ABLIM1: variants seen among roughly 807,000 people sequenced by gnomAD.
The protein encoded by ABLIM1 is actin-binding LIM protein 1.
ABLIM1 carries 40 observed loss-of-function variants against 107.0 expected under a neutral mutation model. That is an observed-to-expected ratio of 0.37 (90% confidence interval 0.29 to 0.49). The LOEUF (loss-of-function observed/expected upper bound fraction) is 0.49. Among genes scored for constraint, ABLIM1 ranks in the 20% least tolerant of loss-of-function variants. ABLIM1 has a pLI of 0.97. For missense variants in ABLIM1, 857 were observed against 1,008.5 expected, an observed-to-expected ratio of 0.85 and a Z score of 2.04; for synonymous variants, 357 against 357.3, an observed-to-expected ratio of 1.00 and a Z score of 0.01.
intron 1 of ABLIM1, among the ~76,000 whole-genome samples, chr10:114,614,706 T>C (rs755891533): frequency 6.6e-6 from 1 of 152,128 alleles, no homozygotes; most frequent in Non-Finnish European, 1.5e-5. Context: ...CTATGAGTAA[T>C]TGATCCCTCA....
At chr10:114,469,737 T>C (rs1293763659) in intron 10 of ABLIM1, among the ~76,000 whole-genome samples, 1 of 152,238 alleles carries the variant, frequency 6.6e-6, no homozygotes, top group Non-Finnish European at 1.5e-5. Flanking sequence ...CAACTACATA[T>C]TCCCAGTGAT....
At chr10:114,779,129 T>C in the ABLIM1 span, 1 of 152,220 alleles carries the variant, frequency 6.6e-6, no homozygotes, top group Non-Finnish European at 1.5e-5. Context: ...CATTCTTCTC[T>C]GACTAAAGTG....
chr10:114,666,653 T>C (rs1426056933), intron 1 of ABLIM1, among the ~76,000 whole-genome samples: 6 of 106,652 alleles, frequency 5.6e-5, no homozygotes, highest in Admixed American at 4.4e-4. Flanking sequence ...ACTTCATCTG[T>C]AAAACAGATA....
chr10:114,658,056 A>G lies in ABLIM1; in HGVS notation c.145T>C (p.Phe49Leu). Residue 49 changes from phenylalanine (F) to leucine (L), a missense_variant, in exon 1 of 23, where the codon TTC becomes CTC. Phe to Leu is a conservative substitution (Grantham distance 22). Around this residue, in one of 5 missense-constraint regions of ABLIM1, gnomAD observed 176 missense variants for 173.5 expected, o/e 1.01. Transcript: ENST00000533213. ...VEDRRVSGTS[F>L]TAHRRATITH... ...ATAGTGGCACGCCTATGAGCGGTGA[A>G]GGAGGTCCCAGAGACCCTCCGGTCC... 6.2e-7 allele frequency: 1 copy of G among 1,614,196 alleles called. No homozygotes were observed. The highest frequency in any genetic ancestry group is 8.5e-7 in the Non-Finnish European group (1 of 1,180,026).
chr10:114,791,136 G>A, the ABLIM1 span, among the ~76,000 whole-genome samples: 2 of 151,910 alleles, frequency 1.3e-5, no homozygotes, highest in East Asian at 1.9e-4. Context: ...GTACTGGAGC[G>A]ATCATAGCGA....
intron 6 of ABLIM1, among the ~76,000 whole-genome samples, chr10:114,514,498 A>T (rs2062486637): frequency 6.6e-6 from 1 of 151,952 alleles, no homozygotes; most frequent in African/African-American, 2.4e-5. Flanking sequence ...TCAGCCTCCC[A>T]AGTAGTTGGG....
At chr10:114,589,779 A>G (rs2074652720) in intron 2 of ABLIM1, among the ~76,000 whole-genome samples, 1 of 152,208 alleles carries the variant, frequency 6.6e-6, no homozygotes. Context: ...CTTTTTAAAA[A>G]TAAGGTTTAT....
chr10:114,519,437 A>G (rs1049684681), intron 6 of ABLIM1, among the ~76,000 whole-genome samples: 1 of 152,152 alleles, frequency 6.6e-6, no homozygotes, highest in African/African-American at 2.4e-5. Flanking sequence ...CGCCCAGCAC[A>G]TGTTGGGTGT....
chr10:114,737,447 C>T (rs977107156), intron 1 of ABLIM1, among the ~76,000 whole-genome samples: 9 of 152,208 alleles, frequency 5.9e-5, no homozygotes, highest in Non-Finnish European at 1.3e-4. Context: ...CCTGACTCCT[C>T]GGTTTCAACA....
intron 1 of ABLIM1, among the ~76,000 whole-genome samples, chr10:114,648,685 C>A (rs1411560063): frequency 6.6e-6 from 1 of 152,212 alleles, no homozygotes; most frequent in Admixed American, 6.5e-5. Context: ...TGGTGTACTA[C>A]ATTACATCTC....
intron 1 of ABLIM1, among the ~76,000 whole-genome samples, chr10:114,743,760 C>G (rs1023940821): frequency 6.6e-6 from 1 of 152,172 alleles, no homozygotes; most frequent in South Asian, 2.1e-4. Context: ...TCCATCACAG[C>G]TCTTCTGTTG....
chr10:114,689,363 G>GTT (rs1566241486), upstream of ABLIM1, among the ~76,000 whole-genome samples: 468 of 120,288 alleles, frequency 3.9e-3, 3 homozygotes, highest in African/African-American at 0.013. Context: ...TTTGTATATT[G>GTT]GTTTTTTTTT....
chr10:114,693,044 CT>C (rs887982301), intron 1 of ABLIM1, among the ~76,000 whole-genome samples: 9 of 152,224 alleles, frequency 5.9e-5, no homozygotes, highest in African/African-American at 2.2e-4. Flanking sequence ...CACTGGCTTT[CT>C]GAAACCCCAT....
chr10:114,759,691 A>C (rs2082703244), intron 1 of ABLIM1, among the ~76,000 whole-genome samples: 1 of 152,148 alleles, frequency 6.6e-6, no homozygotes, highest in Non-Finnish European at 1.5e-5. Flanking sequence ...ATAATCTACA[A>C]AGTAGCTAAT....
At chr10:114,675,803 C>T (rs1307225931) in intron 1 of ABLIM1, among the ~76,000 whole-genome samples, 1 of 152,180 alleles carries the variant, frequency 6.6e-6, no homozygotes, top group Non-Finnish European at 1.5e-5. Flanking sequence ...GAGTCGGTTC[C>T]TTCTGAGGGC....
intron 21 of ABLIM1, among the ~76,000 whole-genome samples, chr10:114,438,413 T>C (rs1034697688): frequency 6.6e-6 from 1 of 152,136 alleles, no homozygotes; most frequent in Non-Finnish European, 1.5e-5. Context: ...GCACATGTCG[T>C]CATGCCAAGC....
At position 114,629,360 on chromosome 10, in the gene ABLIM1, T is replaced by C. The variant is rs1367949410; in HGVS notation, c.245-27399A>G. On this transcript the variant is annotated intron_variant, in intron 1 of 22. Coordinates refer to ENST00000533213, the MANE Select transcript of ABLIM1 (RefSeq NM_002313.7). The surrounding 1 kb of genome is among the most constrained non-coding windows in gnomAD (Gnocchi z 4.0). ...CCTCCTCGAGTTGATTCCTGACAGC[T>C]CCACAGGGAAGGAAGGAGCTAGGCT... Among the ~76,000 whole-genome samples the C allele has an allele frequency of 1.3e-5, 2 of 152,104 alleles. No homozygotes were observed. The highest frequency in any genetic ancestry group is 2.9e-5 in the Non-Finnish European group (2 of 68,010).
At chr10:114,780,930 C>A in the ABLIM1 span, among the ~76,000 whole-genome samples, 1 of 152,068 alleles carries the variant, frequency 6.6e-6, no homozygotes, top group Admixed American at 6.6e-5. Flanking sequence ...GAGGGTGAGA[C>A]TACAGGTTTG....
At chr10:114,794,820 G>A in the ABLIM1 span, among the ~76,000 whole-genome samples, 16 of 152,088 alleles carry the variant, frequency 1.1e-4, no homozygotes, top group African/African-American at 3.9e-4. Flanking sequence ...CCAGGGAATA[G>A]CTGGCAAATC....
Sources: gnomAD v4.1 joint callset for allele counts (sites outside exome capture counted in the v4.1 genomes callset) on GRCh38, gnomAD v4.1.1 for gene constraint, gnomAD v4.1.1 regional missense constraint, Gnocchi (gnomAD v3.1) non-coding constraint, MANE v1.5 for transcripts, NCBI Gene and HGNC (gene_info 2026-07-23, HGNC 2026-07-21) for gene names.